SLC30A8: variants seen among roughly 807,000 people sequenced by gnomAD.
SLC30A8 encodes proton-coupled zinc antiporter SLC30A8.
A neutral mutation model predicts 36.9 loss-of-function variants in SLC30A8; 27 were observed. The ratio of observed to expected loss-of-function variants is 0.73; its 90% CI spans 0.54 to 1.01. The LOEUF is 1.01. Among genes scored for constraint, SLC30A8 ranks in the 50% least tolerant of loss-of-function variants. The pLI is 0.00. For synonymous variants in SLC30A8, 164 were observed against 172.4 expected (o/e 0.95, Z 0.38); for missense variants, 439 against 452.0 (o/e 0.97, Z 0.26).
At chr8:117,006,772 ATTTTTTTT>A (rs71305456) in intron 1 of SLC30A8, among the ~76,000 whole-genome samples, 25 of 78,972 alleles carry the variant, frequency 3.2e-4, no homozygotes, top group African/African-American at 1.0e-3. Flanking sequence ...GAGTCAGGTA[ATTTTTTTT>A]TTTTTTTTTT....
At chr8:117,094,190 A>T (rs1369746675) in intron 2 of SLC30A8, among the ~76,000 whole-genome samples, 1 of 152,220 alleles carries the variant, frequency 6.6e-6, no homozygotes, top group African/African-American at 2.4e-5. Context: ...ATGCCAAAGT[A>T]GTGAGCAAGG....
intron 2 of SLC30A8, among the ~76,000 whole-genome samples, chr8:117,055,320 A>G (rs1475029627): frequency 6.6e-6 from 1 of 152,142 alleles, no homozygotes; most frequent in Non-Finnish European, 1.5e-5. Context: ...GTGGATAGAA[A>G]TCTCCTTGGT....
At chr8:117,007,062 TC>T in intron 1 of SLC30A8, 1 of 132,164 alleles carries the variant, frequency 7.6e-6, no homozygotes, top group South Asian at 2.6e-4. Context: ...CGCCTCGGCC[TC>T]CCAAAGTGCT....
chr8:117,134,140 A>G (rs573712363), upstream of SLC30A8, among the ~76,000 whole-genome samples: 13 of 152,044 alleles, frequency 8.6e-5, no homozygotes, highest in Admixed American at 7.2e-4. Flanking sequence ...TTATTAGGCC[A>G]TTGTGAGAGA....
intron 1 of SLC30A8, among the ~76,000 whole-genome samples, chr8:117,032,877 C>T (rs542173418): frequency 3.6e-4 from 54 of 150,382 alleles, no homozygotes; most frequent in African/African-American, 1.2e-3. Context: ...GTGACAACAG[C>T]GAGACTCTGT....
intron 2 of SLC30A8, among the ~76,000 whole-genome samples, chr8:117,081,607 G>C (rs1818680069): frequency 6.6e-6 from 1 of 152,134 alleles, no homozygotes; most frequent in African/African-American, 2.4e-5. Context: ...AAGGGATATA[G>C]TGGGGCTCTG....
In SLC30A8 at chr8:117,161,729, C is replaced by G. The variant is rs1411235897; in HGVS notation, c.573-9C>G. On this transcript the variant is annotated splice_polypyrimidine_tract_variant and intron_variant, in intron 4 of 7. Transcript: ENST00000456015. ...TCATGTGTGCTAAGAACATTGTTCT[C>G]TCTTTCAGACTAACTGTGGTTTTGC... 2 of 1,610,820 alleles carry G rather than the reference C, an allele frequency of 1.2e-6. No individual in the cohort carries two copies. The highest frequency in any genetic ancestry group is 1.7e-6 in the Non-Finnish European group (2 of 1,177,824).
chr8:117,060,629 C>T (rs1391228337), intron 2 of SLC30A8, among the ~76,000 whole-genome samples: 1 of 152,138 alleles, frequency 6.6e-6, no homozygotes, highest in South Asian at 2.1e-4. Context: ...AAGATTCTTC[C>T]TTCCATTTCC....
chr8:117,092,315 A>G (rs981707763), intron 2 of SLC30A8, among the ~76,000 whole-genome samples: 4 of 152,194 alleles, frequency 2.6e-5, no homozygotes, highest in African/African-American at 9.6e-5. Context: ...AGCAAAATTA[A>G]TGCTAATAAT....
intron 2 of SLC30A8, among the ~76,000 whole-genome samples, chr8:117,119,584 A>C (rs1415265686): frequency 6.6e-6 from 1 of 151,588 alleles, no homozygotes; most frequent in African/African-American, 2.4e-5. Context: ...GCCCCACCTT[A>C]CTCCCATATC....
chr8:117,011,564 G>C (rs1262013118), intron 1 of SLC30A8, among the ~76,000 whole-genome samples: 1 of 152,148 alleles, frequency 6.6e-6, no homozygotes, highest in African/African-American at 2.4e-5. Context: ...CTTTTTGCCA[G>C]CCTCAAGGCT....
intron 2 of SLC30A8, among the ~76,000 whole-genome samples, chr8:117,065,311 A>T (rs1818135663): frequency 6.6e-6 from 1 of 152,186 alleles, no homozygotes. Flanking sequence ...GCTGATAGAA[A>T]AATTGGTGAA....
chr8:116,999,031 G>A (rs548606515), intron 1 of SLC30A8, among the ~76,000 whole-genome samples: 33 of 152,194 alleles, frequency 2.2e-4, no homozygotes, highest in Non-Finnish European at 4.4e-4. Flanking sequence ...GGCTGAGGCG[G>A]GCAGATCACC....
intron 2 of SLC30A8, among the ~76,000 whole-genome samples, chr8:117,098,870 G>T (rs1407313241): frequency 6.6e-6 from 1 of 152,128 alleles, no homozygotes; most frequent in Admixed American, 6.6e-5. Flanking sequence ...GGAAAAAGGT[G>T]ATAACATATA....
intron 4 of SLC30A8, among the ~76,000 whole-genome samples, chr8:117,160,434 T>TGCGC (rs1554592231): frequency 7.5e-5 from 11 of 146,126 alleles, no homozygotes; most frequent in African/African-American, 2.7e-4. Context: ...TGTGTGTGTG[T>TGCGC]GCGCGCACAT....
chr8:117,054,098 C>T (rs1368986558), intron 2 of SLC30A8, among the ~76,000 whole-genome samples: 37 of 124,126 alleles, frequency 3.0e-4, no homozygotes, highest in Admixed American at 5.0e-4. Context: ...CTGCAAAAAT[C>T]TTTTTTTTTT....
chr8:117,135,720 T>C (rs910081643), intron 1 of SLC30A8, among the ~76,000 whole-genome samples: 2 of 151,920 alleles, frequency 1.3e-5, no homozygotes, highest in Non-Finnish European at 2.9e-5. Context: ...TTAAGATAGA[T>C]AGTAAATTTT....
At chr8:117,137,901 G>A (rs1249894827) in intron 1 of SLC30A8, among the ~76,000 whole-genome samples, 3 of 151,778 alleles carry the variant, frequency 2.0e-5, no homozygotes, top group African/African-American at 7.3e-5. Flanking sequence ...GTGCATATTG[G>A]ATGACAGGAA....
intron 2 of SLC30A8, among the ~76,000 whole-genome samples, chr8:117,052,293 G>A (rs1817734955): frequency 6.6e-6 from 1 of 152,220 alleles, no homozygotes; most frequent in Admixed American, 6.5e-5. Flanking sequence ...TTACAGGCAT[G>A]AGCCACTGCG....
Sources: allele counts gnomAD v4.1 joint callset (sites outside exome capture counted in the v4.1 genomes callset), GRCh38; gene constraint gnomAD v4.1.1; transcripts MANE v1.5; gene names NCBI Gene and HGNC (gene_info 2026-07-23, HGNC 2026-07-21).